The following ERC1 variants were observed in gnomAD, a reference collection of about 807,000 sequenced individuals.
ERC1 encodes the protein ELKS/RAB6-interacting/CAST family member 1.
A neutral mutation model predicts 132.0 loss-of-function variants in ERC1; 56 were observed. The observed-to-expected ratio is 0.42, with a 90% CI of 0.34 to 0.53. The LOEUF (loss-of-function observed/expected upper bound fraction) is 0.53. Ranked by LOEUF, ERC1 falls within the 20% of genes least tolerant of loss-of-function variation. The pLI, the probability that ERC1 is intolerant of heterozygous loss-of-function variation, is 0.03. For synonymous variants in ERC1, 478 were observed against 476.1 expected, an observed-to-expected ratio of 1.00 and a Z score of -0.05; for missense variants, 1,202 against 1,349.9, an observed-to-expected ratio of 0.89 and a Z score of 1.72.
chr12:1,320,891 C>CT (rs749706551), intron 15 of ERC1, among the ~76,000 whole-genome samples: 63 of 152,114 alleles, frequency 4.1e-4, no homozygotes, highest in Non-Finnish European at 7.4e-4. Context: ...TTAGTAGAGA[C>CT]GGGGTTTCAC....
At chr12:1,313,542 C>T (rs2154350968) in intron 15 of ERC1, among the ~76,000 whole-genome samples, 1 of 152,046 alleles carries the variant, frequency 6.6e-6, no homozygotes, top group Non-Finnish European at 1.5e-5. Flanking sequence ...CCTTTAGAGG[C>T]ACTAACCAAC....
At chr12:1,053,500 TC>T (rs1324472158) in intron 2 of ERC1, among the ~76,000 whole-genome samples, 1 of 152,206 alleles carries the variant, frequency 6.6e-6, no homozygotes, top group Non-Finnish European at 1.5e-5. Flanking sequence ...CTTCTATAAA[TC>T]CTCCTCACCA....
At chr12:1,401,606 A>G (rs975374256) in intron 16 of ERC1, among the ~76,000 whole-genome samples, 3 of 152,192 alleles carry the variant, frequency 2.0e-5, no homozygotes, top group Non-Finnish European at 2.9e-5. Flanking sequence ...TCTGTACCTC[A>G]ATAAAATTGA....
intron 18 of ERC1, among the ~76,000 whole-genome samples, chr12:1,466,807 G>C (rs938420120): frequency 6.6e-6 from 1 of 152,130 alleles, no homozygotes; most frequent in African/African-American, 2.4e-5. Context: ...ATATGAAGTA[G>C]GTGCTTGTTT....
chr12:1,138,807 C>T (rs1160930322), intron 7 of ERC1, among the ~76,000 whole-genome samples: 1 of 152,100 alleles, frequency 6.6e-6, no homozygotes, highest in Non-Finnish European at 1.5e-5. Flanking sequence ...CCATGGAGGA[C>T]CTTGAATTCC....
chr12:1,137,780 G>C (rs1408456839), intron 7 of ERC1, among the ~76,000 whole-genome samples: 4 of 151,478 alleles, frequency 2.6e-5, no homozygotes, highest in Non-Finnish European at 5.9e-5. Flanking sequence ...TTGAACCCAG[G>C]AGGCAGAGGT....
intron 16 of ERC1, among the ~76,000 whole-genome samples, chr12:1,402,602 T>C (rs943847275): frequency 1.7e-5 from 2 of 117,434 alleles, no homozygotes; most frequent in Admixed American, 7.8e-5. Context: ...AAAGAATATC[T>C]GTGTAACCCC....
intron 17 of ERC1, among the ~76,000 whole-genome samples, chr12:1,427,693 G>A (rs1005482861): frequency 1.4e-4 from 22 of 152,114 alleles, no homozygotes; most frequent in African/African-American, 4.6e-4. Context: ...CACAAGTCAC[G>A]TCACTTCTTC....
Position 1,090,890 on chromosome 12 carries a change from A to G in ERC1, c.1086+7310A>G, listed in dbSNP as rs1374465385. The stretch of plus-strand genomic sequence containing the variant: ...TGTTATTATTATTATTATTATTATT[A>G]TTATTATTATTATTATTATTATCAT... On this transcript the variant is annotated intron_variant, in intron 3 of 18. Transcript: ENST00000360905. Among the ~76,000 whole-genome samples the G allele has an allele frequency of 0.012, 192 of 15,728 alleles. 73 individuals are homozygous for G. The Middle Eastern group carries it at 0.12, about 10-fold the overall frequency. The allele number at this position is 15,728 out of a possible 152,430, so 10.3% of individuals were successfully genotyped here.
intron 15 of ERC1, among the ~76,000 whole-genome samples, chr12:1,362,913 A>G (rs1252632608): frequency 2.0e-5 from 3 of 152,244 alleles, no homozygotes; most frequent in Admixed American, 2.0e-4. Context: ...GCTTATACTT[A>G]TCATGTTTGC....
intron 16 of ERC1, among the ~76,000 whole-genome samples, chr12:1,374,535 G>C (rs2087638540): frequency 6.6e-6 from 1 of 152,210 alleles, no homozygotes; most frequent in African/African-American, 2.4e-5. Flanking sequence ...GTGGGTGCCA[G>C]CCAGTGTGTT....
At chr12:1,164,719 C>G (rs575696338) in intron 8 of ERC1, among the ~76,000 whole-genome samples, 2 of 152,208 alleles carry the variant, frequency 1.3e-5, no homozygotes, top group East Asian at 3.9e-4. Context: ...GGGTAGAGTT[C>G]ATGGCAGAAG....
At chr12:1,215,208 G>C (rs1377069311) in intron 12 of ERC1, among the ~76,000 whole-genome samples, 2 of 152,012 alleles carry the variant, frequency 1.3e-5, no homozygotes, top group Non-Finnish European at 2.9e-5. Context: ...AATTGTCATG[G>C]GCCAATGAGA....
intron 15 of ERC1, among the ~76,000 whole-genome samples, chr12:1,298,952 T>C (rs1483128039): frequency 6.6e-6 from 1 of 151,904 alleles, no homozygotes; most frequent in East Asian, 1.9e-4. Flanking sequence ...ATAATAAAGA[T>C]AAAGGGGACA....
Position 1,028,097 on chromosome 12 carries a change from C to T in ERC1, c.194C>T (p.Ala65Val), listed in dbSNP as rs1232679465. Reference protein sequence around the residue: ...SMENIQSLNAAYATSGPMYLS... With the variant: ...SMENIQSLNAVYATSGPMYLS... ...GAAAATATACAATCTTTAAATGCTGCCTATGCCACCTCTGGCCCTATGTAT... is the reference window on the plus strand; with the variant it reads ...GAAAATATACAATCTTTAAATGCTGTCTATGCCACCTCTGGCCCTATGTAT... Residue 65 changes from alanine to valine, a missense_variant, in exon 2 of 19, where the codon GCC becomes GTC. Transcript: ENST00000360905. The T allele has an allele frequency of 6.2e-7, 1 of 1,614,166 alleles. No individual in the cohort carries two copies. The highest frequency in any genetic ancestry group is 1.7e-5 in the Admixed American group (1 of 60,006).
intron 8 of ERC1, chr12:1,152,247 A>G (rs988314324): frequency 6.6e-6 from 1 of 151,908 alleles, no homozygotes; most frequent in Admixed American, 6.6e-5. Context: ...ATGTCTTAAT[A>G]TGGTGGTATC....
At chr12:1,327,079 C>G (rs2082496416) in intron 15 of ERC1, among the ~76,000 whole-genome samples, 2 of 151,960 alleles carry the variant, frequency 1.3e-5, no homozygotes, top group South Asian at 4.2e-4. Flanking sequence ...AAAAATTAAC[C>G]CAATTTAACA....
intron 15 of ERC1, among the ~76,000 whole-genome samples, chr12:1,291,326 C>T (rs761837598): frequency 3.3e-5 from 5 of 152,050 alleles, no homozygotes; most frequent in Non-Finnish European, 5.9e-5. Flanking sequence ...GTTAGAGTTC[C>T]GAGTAGCATC....
chr12:1,030,931 A>G (rs138570704), intron 2 of ERC1, among the ~76,000 whole-genome samples: 61 of 152,302 alleles, frequency 4.0e-4, no homozygotes, highest in African/African-American at 1.3e-3. Flanking sequence ...GTGGATTTGT[A>G]TAAGTCCACT....
Sources: gnomAD v4.1 joint callset for allele counts (sites outside exome capture counted in the v4.1 genomes callset) on GRCh38, gnomAD v4.1.1 for gene constraint, MANE v1.5 for transcripts, NCBI Gene and HGNC (gene_info 2026-07-23, HGNC 2026-07-21) for gene names.